Variants in SCAPER observed in about 807,000 individuals in gnomAD.
SCAPER encodes the protein S phase cyclin A-associated protein in the endoplasmic reticulum.
In SCAPER, 98 loss-of-function variants were observed where a neutral mutation model predicts 182.2. The ratio of observed to expected loss-of-function variants is 0.54; its 90% CI spans 0.46 to 0.64. The LOEUF (loss-of-function observed/expected upper bound fraction) is 0.64, where lower values mean the gene tolerates loss of function less well. Ranked by LOEUF, SCAPER falls within the 30% of genes least tolerant of loss-of-function variation. The pLI, the probability that SCAPER is intolerant of heterozygous loss-of-function variation, is 0.00. For synonymous variants in SCAPER, 605 were observed against 564.6 expected, an observed-to-expected ratio of 1.07 and a Z score of -1.01; for missense variants, 1,432 against 1,690.0, an observed-to-expected ratio of 0.85 and a Z score of 2.68.
chr15:76,526,181 A>AC (rs1171370413), intron 23 of SCAPER, among the ~76,000 whole-genome samples: 1 of 152,004 alleles, frequency 6.6e-6, no homozygotes, highest in Non-Finnish European at 1.5e-5. Context: ...TTTAGTGATG[A>AC]CCTGTGGTAA....
rs1440181118 is a variant in SCAPER, at chr15:76,874,672, TC to T, written c.6+9139del. Among the ~76,000 whole-genome samples the T allele has an allele frequency of 2.0e-5, 3 of 152,240 alleles. No homozygotes were observed. In the East Asian group the frequency reaches 5.8e-4, roughly 29 times the overall value. ...AAAGGATATTATAAATAAAATTGTA[TC>T]CGGTCAGTCACCGTGGCTCACACCT... On this transcript the variant is annotated intron_variant, in intron 2 of 31. Transcript: ENST00000563290.
chr15:76,377,733 C>T (rs2098228802), intron 28 of SCAPER, among the ~76,000 whole-genome samples: 1 of 152,130 alleles, frequency 6.6e-6, no homozygotes. Context: ...TGAAATGGAA[C>T]CAGCTAGGAA....
intron 20 of SCAPER, among the ~76,000 whole-genome samples, chr15:76,683,252 A>G (rs1273657867): frequency 2.6e-5 from 4 of 152,228 alleles, no homozygotes; most frequent in Non-Finnish European, 4.4e-5. Context: ...CGAGAATCTC[A>G]TAACACAATC....
chr15:76,785,041 A>C (rs1215769637), intron 8 of SCAPER, among the ~76,000 whole-genome samples: 1 of 152,244 alleles, frequency 6.6e-6, no homozygotes, highest in African/African-American at 2.4e-5. Flanking sequence ...GGATCTACTT[A>C]AACTAAAGAG....
At chr15:76,644,282 T>C (rs1041625137) in intron 21 of SCAPER, among the ~76,000 whole-genome samples, 1 of 152,130 alleles carries the variant, frequency 6.6e-6, no homozygotes, top group Non-Finnish European at 1.5e-5. Flanking sequence ...GGACATTAAT[T>C]TGCAAAAAGG....
At chr15:76,425,387 C>T (rs1177045405) in intron 26 of SCAPER, among the ~76,000 whole-genome samples, 1 of 152,198 alleles carries the variant, frequency 6.6e-6, no homozygotes, top group Non-Finnish European at 1.5e-5. Flanking sequence ...CACTGATACC[C>T]TTTCTTCCAG....
At chr15:76,690,765 A>AAC (rs1215586045) in intron 20 of SCAPER, among the ~76,000 whole-genome samples, 13 of 152,160 alleles carry the variant, frequency 8.5e-5, no homozygotes, top group Non-Finnish European at 1.8e-4. Context: ...ACTGCTCCAG[A>AAC]ACACAGATAA....
chr15:76,659,406 G>C (rs990949740), intron 21 of SCAPER, among the ~76,000 whole-genome samples: 15 of 152,118 alleles, frequency 9.9e-5, no homozygotes. Context: ...GAGAAGCTGG[G>C]ACCACAGGGG....
At chr15:76,900,067 G>GCT (rs1290297001) in intron 1 of SCAPER, among the ~76,000 whole-genome samples, 8 of 152,150 alleles carry the variant, frequency 5.3e-5, no homozygotes, top group Non-Finnish European at 1.2e-4. Flanking sequence ...TGAAACATGT[G>GCT]CTGTGTCAAC....
At chr15:76,589,013 G>A (rs376134717) in intron 22 of SCAPER, among the ~76,000 whole-genome samples, 13 of 152,060 alleles carry the variant, frequency 8.5e-5, no homozygotes, top group Admixed American at 4.6e-4. Flanking sequence ...GTTCTCTTCT[G>A]GATCTAGCCA....
intron 25 of SCAPER, among the ~76,000 whole-genome samples, chr15:76,446,860 C>T (rs1035937530): frequency 1.2e-4 from 18 of 152,288 alleles, no homozygotes; most frequent in African/African-American, 3.1e-4. Context: ...GAAAGAGATA[C>T]GCGTTCAATA....
intron 25 of SCAPER, among the ~76,000 whole-genome samples, chr15:76,460,386 C>T (rs1382736377): frequency 2.0e-5 from 3 of 151,838 alleles, no homozygotes; most frequent in East Asian, 1.9e-4. Flanking sequence ...GAAATGTTAC[C>T]GATTTTTATA....
At chr15:76,588,478 T>C (rs1199430321) in intron 22 of SCAPER, among the ~76,000 whole-genome samples, 1 of 152,250 alleles carries the variant, frequency 6.6e-6, no homozygotes, top group African/African-American at 2.4e-5. Flanking sequence ...CTTAAGTTTA[T>C]GTGAGTCCTT....
chr15:76,361,068 C>T (rs1002671120), intron 29 of SCAPER, among the ~76,000 whole-genome samples: 7 of 149,650 alleles, frequency 4.7e-5, no homozygotes, highest in South Asian at 2.1e-4. Flanking sequence ...TGAGTGATCA[C>T]GAATCTGGAT....
chr15:76,808,913 CA>C (rs1469755979), intron 5 of SCAPER, among the ~76,000 whole-genome samples: 3 of 152,196 alleles, frequency 2.0e-5, no homozygotes, highest in Non-Finnish European at 4.4e-5. Context: ...AGAAAAATTC[CA>C]GCTCCTAGCT....
intron 23 of SCAPER, among the ~76,000 whole-genome samples, chr15:76,549,079 G>T (rs1455744288): frequency 6.6e-6 from 1 of 152,162 alleles, no homozygotes; most frequent in African/African-American, 2.4e-5. Flanking sequence ...AATCTACAAA[G>T]AACTCAAACA....
At chr15:76,700,455 A>T (rs1417306559) in intron 20 of SCAPER, among the ~76,000 whole-genome samples, 1 of 152,178 alleles carries the variant, frequency 6.6e-6, no homozygotes, top group African/African-American at 2.4e-5. Flanking sequence ...TTGCTTAGTT[A>T]GCCACCTCTT....
intron 21 of SCAPER, among the ~76,000 whole-genome samples, chr15:76,651,441 T>C: frequency 6.6e-6 from 1 of 151,930 alleles, no homozygotes; most frequent in East Asian, 1.9e-4. Flanking sequence ...CTAGGACTTC[T>C]AGTACTGCGT....
chr15:76,523,754 T>C (rs1045925861), intron 23 of SCAPER, among the ~76,000 whole-genome samples: 35 of 152,196 alleles, frequency 2.3e-4, no homozygotes, highest in African/African-American at 7.9e-4. Context: ...ACTTTATATA[T>C]GAAAAATAAC....
Sources: allele counts gnomAD v4.1 joint callset (sites outside exome capture counted in the v4.1 genomes callset), GRCh38; gene constraint gnomAD v4.1.1; transcripts MANE v1.5; gene names NCBI Gene and HGNC (gene_info 2026-07-23, HGNC 2026-07-21).